The following RIMS2 variants were observed in gnomAD, a reference collection of about 807,000 sequenced individuals.
RIMS2 encodes regulating synaptic membrane exocytosis protein 2.
In RIMS2, 59 loss-of-function variants were observed where a neutral mutation model predicts 174.4. The observed-to-expected ratio is 0.34, with a 90% CI of 0.27 to 0.42. The LOEUF is 0.42. Ranked by LOEUF, RIMS2 falls within the 10% of genes least tolerant of loss-of-function variation. The pLI is 1.00. For synonymous variants in RIMS2, 606 were observed against 572.5 expected (o/e 1.06, Z -0.84); for missense variants, 1,620 against 1,666.3 (o/e 0.97, Z 0.48).
chr8:103,716,402 T>G (rs1245940672), intron 2 of RIMS2, 82 bp downstream of exon 5: 2 of 152,072 alleles, frequency 1.3e-5, no homozygotes, highest in Non-Finnish European at 2.9e-5. Flanking sequence ...TATATTTAAT[T>G]TATATACTTC....
rs770084968 is a variant in RIMS2 at position 104,251,569 on chromosome 8, C to T, written c.3832-33C>T. The T allele has an allele frequency of 2.7e-6, 3 of 1,113,176 alleles. No homozygotes were observed. In the African/African-American group the frequency reaches 4.6e-5, roughly 17 times the overall value. 69.0% of individuals were successfully genotyped at this position (1,113,176 alleles called of 1,614,324 possible). On this transcript the variant is annotated intron_variant, in intron 23 of 23. Coordinates refer to ENST00000504942, the Ensembl canonical transcript of RIMS2. ...AAGTTTTTCTATGTACACAGTTACA[C>T]TGACATCACTCTACTTTTTATTTTG...
chr8:103,821,743 A>C (rs1178030897), intron 3 of RIMS2, among the ~76,000 whole-genome samples: 2 of 151,672 alleles, frequency 1.3e-5, no homozygotes, highest in Non-Finnish European at 3.0e-5. Flanking sequence ...CATCCTGCAT[A>C]GGTATTAACA....
At chr8:104,236,158 T>C (rs1385166537) in intron 19 of RIMS2, among the ~76,000 whole-genome samples, 1 of 151,936 alleles carries the variant, frequency 6.6e-6, no homozygotes, top group Non-Finnish European at 1.5e-5. Context: ...TTAAATGTCA[T>C]AGGTGATATA....
rs547179721 is a variant in RIMS2 at position 104,216,318 on chromosome 8, T to C, written c.3335-28598T>C. On this transcript the variant is annotated intron_variant, in intron 19 of 23. Coordinates refer to ENST00000504942, the Ensembl canonical transcript of RIMS2. ...AGGAGGGTCACTTGAGGCCAGGAAA[T>C]CGAGACCAGCCTGGGCAACATGGTC... Among the ~76,000 whole-genome samples the C allele has an allele frequency of 2.6e-5, 4 of 152,300 alleles. No individual in the cohort carries two copies. The South Asian group carries it at 8.3e-4, about 32-fold the overall frequency.
rs566868268 is a variant in RIMS2 at position 104,101,601 on chromosome 8, A to G, written c.3334+86986A>G. ...ATATATATACACACACATAGCATTT[A>G]CTGTAGTCAAGCAACTTAACATACC... On this transcript the variant is annotated intron_variant, in intron 19 of 23. Coordinates refer to ENST00000504942, the Ensembl canonical transcript of RIMS2. 2.0e-5 allele frequency among the ~76,000 whole-genome samples: 3 copies of G among 152,238 alleles called. No individual in the cohort carries two copies. In the East Asian group the frequency reaches 5.8e-4, roughly 29 times the overall value.
rs945569748 is a variant in RIMS2, at chr8:103,706,159, G to A, written c.387+8863G>A. On this transcript the variant is annotated intron_variant, in intron 2 of 23. Transcript: ENST00000504942. ...TATTTTAAACTGATGACAACTTCCCGTGGATTTCAAAGAAAAGAATCAAGC... is the reference window on the plus strand; with the variant it reads ...TATTTTAAACTGATGACAACTTCCCATGGATTTCAAAGAAAAGAATCAAGC... Among the ~76,000 whole-genome samples the A allele has an allele frequency of 4.3e-4, 65 of 151,928 alleles. 1 individual carries two copies. The highest frequency in any genetic ancestry group is 1.4e-3 in the African/African-American group (59 of 41,380).
intron 19 of RIMS2, among the ~76,000 whole-genome samples, chr8:104,165,911 C>T (rs1294065743): frequency 1.3e-5 from 2 of 151,930 alleles, no homozygotes; most frequent in Non-Finnish European, 2.9e-5. Context: ...AAAAATTACA[C>T]AAATTACATA....
chr8:103,533,647 G>A, intron 1 of RIMS2, among the ~76,000 whole-genome samples: 1 of 123,358 alleles, frequency 8.1e-6, no homozygotes, highest in Non-Finnish European at 1.6e-5. Context: ...GGGGGACAAA[G>A]CGAGACCCTG....
chr8:104,116,506 A>G (rs1259568883), intron 19 of RIMS2, among the ~76,000 whole-genome samples: 1 of 152,158 alleles, frequency 6.6e-6, no homozygotes, highest in Non-Finnish European at 1.5e-5. Context: ...AGAAAATGGA[A>G]AACAGTTAAA....
At chr8:104,253,669 A>G (rs1401759802), downstream of RIMS2, 1 of 152,204 alleles carries the variant, frequency 6.6e-6, no homozygotes, top group Non-Finnish European at 1.5e-5. Context: ...TGGTTATTGT[A>G]ATAAACCACC....
At chr8:103,771,003 G>A (rs761827532) in intron 3 of RIMS2, among the ~76,000 whole-genome samples, 32 of 152,150 alleles carry the variant, frequency 2.1e-4, no homozygotes, top group Non-Finnish European at 3.7e-4. Flanking sequence ...AGAAAAGTAT[G>A]TTACTCTTTT....
At chr8:104,013,367 C>A in intron 17 of RIMS2, 75 bp from the exon 20 acceptor site, 1 of 1,156,666 alleles carries the variant, frequency 8.6e-7, no homozygotes, top group Non-Finnish European at 1.2e-6. Flanking sequence ...TTTTCAAAAT[C>A]AGTTTGATGC....
chr8:104,174,451 A>G (rs2098859374), intron 19 of RIMS2, among the ~76,000 whole-genome samples: 1 of 152,098 alleles, frequency 6.6e-6, no homozygotes, highest in Admixed American at 6.5e-5. Flanking sequence ...ACAATATATT[A>G]CCTTCTTAAT....
intron 1 of RIMS2, chr8:103,568,705 C>G (rs2132254372): frequency 1.3e-6 from 1 of 778,416 alleles, no homozygotes; most frequent in Non-Finnish European, 2.2e-6. Context: ...TTTTGTTCTT[C>G]TAGCTTACAT....
intron 4 of RIMS2, among the ~76,000 whole-genome samples, chr8:103,893,024 A>G (rs1055883898): frequency 3.9e-5 from 6 of 152,182 alleles, no homozygotes; most frequent in African/African-American, 1.4e-4. Context: ...GGTATTACAA[A>G]TGGTGTATAG....
intron 2 of RIMS2, among the ~76,000 whole-genome samples, chr8:103,700,115 T>C (rs2097150959): frequency 6.6e-6 from 1 of 152,174 alleles, no homozygotes. Flanking sequence ...TTAAATCTGT[T>C]ATCTCACTGT....
At chr8:103,701,099 C>A (rs2097161446) in intron 2 of RIMS2, among the ~76,000 whole-genome samples, 1 of 151,876 alleles carries the variant, frequency 6.6e-6, no homozygotes, top group African/African-American at 2.4e-5. Flanking sequence ...ATAATTATAT[C>A]TGGTATCACA....
chr8:103,614,726 A>G (rs115999099), intron 1 of RIMS2, among the ~76,000 whole-genome samples: 4,554 of 152,294 alleles, frequency 0.03, 74 homozygotes, highest in African/African-American at 0.046. Context: ...ATCACAAAGG[A>G]GTATATCTTA....
chr8:104,143,256 G>A (rs2098600837), intron 19 of RIMS2, among the ~76,000 whole-genome samples: 1 of 152,192 alleles, frequency 6.6e-6, no homozygotes, highest in Admixed American at 6.5e-5. Flanking sequence ...CTGAGTTTAA[G>A]TGAAATAAAG....
Sources: allele counts gnomAD v4.1 joint callset (sites outside exome capture counted in the v4.1 genomes callset), GRCh38; gene constraint gnomAD v4.1.1; transcripts MANE v1.5; gene names NCBI Gene and HGNC (gene_info 2026-07-23, HGNC 2026-07-21).